Variants in RUSF1 observed in about 807,000 individuals in gnomAD.
The protein encoded by RUSF1 is RUS1 family protein C16orf58.
RUSF1 carries 58 observed loss-of-function variants against 63.0 expected under a neutral mutation model. That is an observed-to-expected ratio of 0.92 (90% CI 0.75 to 1.15). The LOEUF (loss-of-function observed/expected upper bound fraction) is 1.15, where lower values mean the gene tolerates loss of function less well. Ranked by LOEUF, RUSF1 falls within the 50% of genes most tolerant of loss-of-function variation. The pLI, the probability that RUSF1 is intolerant of heterozygous loss-of-function variation, is 0.00. For synonymous variants in RUSF1, 274 were observed against 255.8 expected, an observed-to-expected ratio of 1.07 and a Z score of -0.68; for missense variants, 652 against 611.0, an observed-to-expected ratio of 1.07 and a Z score of -0.71.
intron 5 of RUSF1, among the ~76,000 whole-genome samples, chr16:31,497,403 CCTCT>C (rs1229850755): frequency 6.6e-6 from 1 of 152,136 alleles, no homozygotes; most frequent in Non-Finnish European, 1.5e-5. Context: ...CAGATCTCTC[CCTCT>C]GAGATCGCAG....
At chr16:31,491,219 A>G (rs1489543817) in intron 12 of RUSF1, among the ~76,000 whole-genome samples, 2 of 152,164 alleles carry the variant, frequency 1.3e-5, no homozygotes, top group South Asian at 4.1e-4. Flanking sequence ...GGGATTACAC[A>G]GACTGTCTAC....
intron 5 of RUSF1, among the ~76,000 whole-genome samples, chr16:31,497,612 C>T (rs376752174): frequency 1.1e-4 from 17 of 152,348 alleles, no homozygotes; most frequent in African/African-American, 4.1e-4. Context: ...GCTGGGATTA[C>T]AGGCGTGAGC....
Position 31,490,081 on chromosome 16 carries a change from G to A in RUSF1, c.*754C>T, listed in dbSNP as rs532838657. 6.2e-6 allele frequency: 10 copies of A among 1,612,802 alleles called. No individual in the cohort carries two copies. The Admixed American group carries it at 6.7e-5, about 11-fold the overall frequency. ...CATGGGGGGACAGAACTCCCACCTCGTTCGTGCTCCCACCCTCCCCAGCTC... is the reference window on the plus strand; with the variant it reads ...CATGGGGGGACAGAACTCCCACCTCATTCGTGCTCCCACCCTCCCCAGCTC... On this transcript the variant is annotated 3_prime_UTR_variant, in exon 13 of 13. Coordinates refer to ENST00000327237, the MANE Select transcript of RUSF1 (RefSeq NM_022744.4).
In RUSF1 at chr16:31,491,994, G is replaced by C. The variant is rs751765911; in HGVS notation, c.1309+15C>G. The C allele has an allele frequency of 4.3e-6, 7 of 1,613,764 alleles. 1 individual carries two copies. Among genetic ancestry groups the C allele is most frequent in the Non-Finnish European group, 5.1e-6 (6 of 1,179,800 alleles). ...GGCTTCAGGGGCCAAGCAGCCATGG[G>C]CTGAGGGATGTTACCTTTCAAGAAC... On this transcript the variant is annotated intron_variant, in intron 12 of 12. Transcript: ENST00000327237.
chr16:31,499,398 C>A lies in RUSF1; in HGVS notation c.504G>T (p.Ala168=). 1.9e-6 allele frequency: 3 copies of A among 1,613,838 alleles called. No individual in the cohort carries two copies. Among genetic ancestry groups the A allele is most frequent in the South Asian group, 2.2e-5 (2 of 91,068 alleles). The change falls in exon 5 of 13, where the codon GCG becomes GCT. Residue 168 remains alanine, a synonymous_variant. Transcript: ENST00000327237. ...DCNAKQWRLF[A]DILNDVAMFL... ...ACATGGCTACGTCATTGAGGATGTCCGCAAAAAGCCTGGGGAGGGATCAGA... is the reference window on the plus strand; with the variant it reads ...ACATGGCTACGTCATTGAGGATGTCAGCAAAAAGCCTGGGGAGGGATCAGA...
At position 31,499,284 on chromosome 16, in the gene RUSF1, G is replaced by A. The variant is rs115766039; in HGVS notation, c.600+18C>T. ...AGGCAGGTGTTTTAGGCAGATGGGT[G>A]CCCCCACAGGCAGCTACCTTGGCTA... On this transcript the variant is annotated intron_variant, in intron 5 of 12. Coordinates refer to ENST00000327237, the MANE Select transcript of RUSF1 (RefSeq NM_022744.4). 1.5e-3 allele frequency: 2,427 copies of A among 1,601,306 alleles called. 29 individuals are homozygous for A. The African/African-American group carries it at 0.029, about 19-fold the overall frequency.
intron 2 of RUSF1, among the ~76,000 whole-genome samples, chr16:31,503,827 TA>T (rs1359438717): frequency 6.6e-6 from 1 of 152,186 alleles, no homozygotes; most frequent in Non-Finnish European, 1.5e-5. Flanking sequence ...CATGCCTGGC[TA>T]ATTTTGTATT....
At chr16:31,504,783 A>G (rs2082649921) in intron 2 of RUSF1, among the ~76,000 whole-genome samples, 1 of 152,198 alleles carries the variant, frequency 6.6e-6, no homozygotes, top group African/African-American at 2.4e-5. Context: ...CTGTACTAAG[A>G]AAATTGTTTT....
At position 31,496,959 on chromosome 16, in the gene RUSF1, GA is replaced by G; in HGVS notation, c.601-10del. ...GCAACACTCACGATGCACTGGGTGG[GA>G]GGGGAAGAGAGAAGGTTGGCAGAGA... On this transcript the variant is annotated splice_polypyrimidine_tract_variant and intron_variant, in intron 5 of 12. Transcript: ENST00000327237. 1 of 1,590,300 alleles carries G rather than the reference GA, an allele frequency of 6.3e-7. No individual in the cohort carries two copies. Among genetic ancestry groups the G allele is most frequent in the Non-Finnish European group, 8.6e-7 (1 of 1,169,212 alleles).
At position 31,492,249 on chromosome 16, in the gene RUSF1, T is replaced by G; in HGVS notation, c.1179A>C (p.Gly393=). ...CCAGCTCTGCTGGAAGGGGTCCATC[T>G]CCCTGCAGGGCCCCAAGCATCAGCC... ...THGLMLGALQ[G]DGPLPAELEE... is the part of the protein sequence containing the mutation. Residue 393 remains glycine (G), a synonymous_variant, in exon 11 of 13, where the codon GGA becomes GGC. Coordinates refer to ENST00000327237, the MANE Select transcript of RUSF1 (RefSeq NM_022744.4). The G allele has an allele frequency of 6.2e-7, 1 of 1,613,174 alleles. No individual in the cohort carries two copies. Among genetic ancestry groups the G allele is most frequent in the Non-Finnish European group, 8.5e-7 (1 of 1,179,642 alleles).
intron 3 of RUSF1, among the ~76,000 whole-genome samples, chr16:31,500,027 A>C (rs1027754280): frequency 1.3e-5 from 2 of 152,188 alleles, no homozygotes; most frequent in African/African-American, 4.8e-5. Flanking sequence ...TCCGACATCC[A>C]GGCCTAGGGT....
At position 31,490,602 on chromosome 16, in the gene RUSF1, T is replaced by C; in HGVS notation, c.*233A>G. ...AGTGGGGGTGAGGAGCCTGCGGTGC[T>C]CCCCAGAAAAGGGGAAGGGGCAGTG... On this transcript the variant is annotated 3_prime_UTR_variant, in exon 13 of 13. Coordinates refer to ENST00000327237, the MANE Select transcript of RUSF1 (RefSeq NM_022744.4). The C allele has an allele frequency of 7.2e-7, 1 of 1,383,798 alleles. No individual in the cohort carries two copies. The highest frequency in any genetic ancestry group is 1.9e-5 in the Admixed American group (1 of 51,684). The allele number at this position is 1,383,798 out of a possible 1,614,324, so 85.7% of individuals were successfully genotyped here. A position where few individuals can be genotyped will look rare whatever the true frequency, so the allele number is the denominator to read the frequency against.
At chr16:31,502,073 C>A (rs2082635527) in intron 2 of RUSF1, among the ~76,000 whole-genome samples, 1 of 152,136 alleles carries the variant, frequency 6.6e-6, no homozygotes, top group South Asian at 2.1e-4. Flanking sequence ...ACCCATTAAG[C>A]CTGGCAGAAA....
chr16:31,503,173 A>C (rs574646750), intron 2 of RUSF1, among the ~76,000 whole-genome samples: 1 of 152,334 alleles, frequency 6.6e-6, no homozygotes, highest in Non-Finnish European at 1.5e-5. Context: ...ATCTAGAAAC[A>C]TCTGAGTCCT....
intron 8 of RUSF1, 34 bp downstream of exon 8, chr16:31,493,569 G>C: frequency 6.2e-7 from 1 of 1,614,172 alleles, no homozygotes; most frequent in Non-Finnish European, 8.5e-7. Flanking sequence ...GGGAGAGGTT[G>C]AGACACAGGA....
chr16:31,501,124 G>A (rs1389268446), intron 2 of RUSF1, among the ~76,000 whole-genome samples: 1 of 152,146 alleles, frequency 6.6e-6, no homozygotes, highest in Non-Finnish European at 1.5e-5. Flanking sequence ...AGTTTGCAAA[G>A]CTCTAAAATT....
chr16:31,499,099 G>A lies in RUSF1; in HGVS notation c.600+203C>T, dbSNP rs2082618889. On this transcript the variant is annotated intron_variant, in intron 5 of 12. Transcript: ENST00000327237. The stretch of plus-strand genomic sequence containing the variant: ...TCGGAGCTCCCTCCCCAGTCCTGTG[G>A]CTCTAGACATTGCCTTACACTTTCT... The A allele has an allele frequency of 2.8e-5, 17 of 606,746 alleles. No homozygotes were observed. The South Asian group carries it at 3.4e-4, about 12-fold the overall frequency. The allele number at this position is 606,746 out of a possible 1,614,324, so 37.6% of individuals were successfully genotyped here.
intron 6 of RUSF1, among the ~76,000 whole-genome samples, chr16:31,494,383 G>C (rs1219208051): frequency 4.6e-5 from 7 of 152,160 alleles, no homozygotes; most frequent in African/African-American, 1.7e-4. Context: ...AAACTAGCCA[G>C]GTATGGTGGC....
At chr16:31,499,469 TC>T in intron 4 of RUSF1, 23 bp downstream of exon 4, 1 of 1,289,040 alleles carries the variant, frequency 7.8e-7, no homozygotes. Flanking sequence ...AAGACTCCCC[TC>T]CCCCGTCCCC....
Sources: gnomAD v4.1 joint callset for allele counts (sites outside exome capture counted in the v4.1 genomes callset) on GRCh38, gnomAD v4.1.1 for gene constraint, MANE v1.5 for transcripts, NCBI Gene and HGNC (gene_info 2026-07-23, HGNC 2026-07-21) for gene names.